ADGRL3: variants seen among roughly 807,000 people sequenced by gnomAD.
ADGRL3 encodes the protein adhesion G protein-coupled receptor L3.
ADGRL3 carries 62 observed loss-of-function variants against 153.5 expected under a neutral mutation model. The observed-to-expected ratio is 0.40, with a 90% CI of 0.33 to 0.50. ADGRL3 has a LOEUF of 0.50. ADGRL3 is among the 20% of genes least tolerant of loss of function. The pLI, the probability that ADGRL3 is intolerant of heterozygous loss-of-function variation, is 0.47. For synonymous variants in ADGRL3, 710 were observed against 672.5 expected, an observed-to-expected ratio of 1.06 and a Z score of -0.86; for missense variants, 1,641 against 1,859.4, an observed-to-expected ratio of 0.88 and a Z score of 2.16.
intron 17 of ADGRL3, among the ~76,000 whole-genome samples, chr4:61,957,219 T>C (rs943189280): frequency 1.3e-5 from 2 of 152,120 alleles, no homozygotes; most frequent in Admixed American, 1.3e-4. Flanking sequence ...CTTTGAACAG[T>C]GGTTTGTAGT....
chr4:61,972,767 A>G (rs1455153159), intron 17 of ADGRL3, among the ~76,000 whole-genome samples: 2 of 152,088 alleles, frequency 1.3e-5, no homozygotes, highest in Non-Finnish European at 2.9e-5. Flanking sequence ...CATTTTCACA[A>G]TATTGATTCT....
At chr4:61,628,071 A>G (rs892850197) in intron 5 of ADGRL3, among the ~76,000 whole-genome samples, 2 of 152,200 alleles carry the variant, frequency 1.3e-5, no homozygotes, top group Admixed American at 1.3e-4. Flanking sequence ...GATAATGGTA[A>G]TAGTAATAAT....
chr4:61,506,045 A>G lies in ADGRL3; in HGVS notation c.55+8697A>G, dbSNP rs114602871. Among the ~76,000 whole-genome samples the G allele has an allele frequency of 6.7e-3, 1,014 of 152,186 alleles. 9 individuals carry two copies. The highest frequency in any genetic ancestry group is 0.011 in the Non-Finnish European group (730 of 67,940). On this transcript the variant is annotated intron_variant, in intron 3 of 26. Transcript: ENST00000683033. ...AAACTGCTTTAGAATCCTATATTGT[A>G]TGGTCCTATTAAATGGAGTAGAAAG...
intron 3 of ADGRL3, among the ~76,000 whole-genome samples, chr4:61,511,020 A>G (rs2098460902): frequency 1.3e-5 from 2 of 151,916 alleles, no homozygotes; most frequent in Admixed American, 1.3e-4. Flanking sequence ...TATTTTCTTG[A>G]TGACTATTGT....
At chr4:61,840,749 A>T (rs1192206200) in intron 9 of ADGRL3, among the ~76,000 whole-genome samples, 2 of 152,238 alleles carry the variant, frequency 1.3e-5, no homozygotes, top group Non-Finnish European at 2.9e-5. Flanking sequence ...GCCTATGTTC[A>T]TGAGTTTGCA....
Position 61,932,247 on chromosome 4 carries a change from T to C in ADGRL3, c.2113-2593T>C, listed in dbSNP as rs531638028. 5.9e-5 allele frequency among the ~76,000 whole-genome samples: 9 copies of C among 152,230 alleles called. No homozygotes were observed. The South Asian group carries it at 1.9e-3, about 32-fold the overall frequency. On this transcript the variant is annotated intron_variant, in intron 13 of 26. Transcript: ENST00000683033. ...TTGAATAGTGGCAAGAGTGGGCACCTTTGCCTTGTTTTTGATCTTAGAGGG... is the reference window on the plus strand; with the variant it reads ...TTGAATAGTGGCAAGAGTGGGCACCCTTGCCTTGTTTTTGATCTTAGAGGG...
At chr4:61,945,798 G>T (rs952389909) in intron 15 of ADGRL3, among the ~76,000 whole-genome samples, 1 of 151,722 alleles carries the variant, frequency 6.6e-6, no homozygotes, top group Non-Finnish European at 1.5e-5. Context: ...TTCGGCTCGC[G>T]CACGGTGCGC....
At chr4:61,621,622 CTT>C (rs1345324507) in intron 5 of ADGRL3, among the ~76,000 whole-genome samples, 1 of 151,984 alleles carries the variant, frequency 6.6e-6, no homozygotes, top group Non-Finnish European at 1.5e-5. Context: ...TAGTGAAAAT[CTT>C]TGTAAATAAC....
intron 1 of ADGRL3, among the ~76,000 whole-genome samples, chr4:61,293,344 T>A (rs756786535): frequency 1.3e-5 from 2 of 152,194 alleles, no homozygotes; most frequent in Non-Finnish European, 2.9e-5. Context: ...CTGCTAGGTT[T>A]ATATTAAATA....
intron 1 of ADGRL3, among the ~76,000 whole-genome samples, chr4:61,375,222 T>C (rs545666485): frequency 6.6e-6 from 1 of 152,314 alleles, no homozygotes; most frequent in Non-Finnish European, 1.5e-5. Flanking sequence ...GTTCTTAGGC[T>C]ATTTTTCCTT....
chr4:61,700,543 A>G (rs2095737631), intron 6 of ADGRL3, among the ~76,000 whole-genome samples: 2 of 152,200 alleles, frequency 1.3e-5, no homozygotes, highest in Admixed American at 6.5e-5. Context: ...ATGGATGCCA[A>G]GTAATCCAAC....
chr4:61,685,061 G>A (rs989404045), intron 6 of ADGRL3, among the ~76,000 whole-genome samples: 3 of 151,692 alleles, frequency 2.0e-5, no homozygotes, highest in East Asian at 2.0e-4. Flanking sequence ...GACTACAGGC[G>A]TGCACCATCA....
chr4:61,950,009 A>G (rs1476541084), intron 17 of ADGRL3, among the ~76,000 whole-genome samples: 4 of 152,222 alleles, frequency 2.6e-5, no homozygotes, highest in African/African-American at 9.6e-5. Context: ...GCTTTTGCAA[A>G]GATCGAACAT....
At chr4:61,366,704 T>A (rs1478597557) in intron 1 of ADGRL3, among the ~76,000 whole-genome samples, 2 of 152,236 alleles carry the variant, frequency 1.3e-5, no homozygotes, top group Non-Finnish European at 2.9e-5. Context: ...TTGTATTCCA[T>A]TGTGCTTATT....
intron 5 of ADGRL3, among the ~76,000 whole-genome samples, chr4:61,597,464 A>G (rs1375531587): frequency 1.3e-5 from 2 of 152,116 alleles, no homozygotes; most frequent in Non-Finnish European, 2.9e-5. Flanking sequence ...ACAACTCTGT[A>G]TATTTTACTA....
At chr4:61,893,014 T>C in intron 10 of ADGRL3, 56 bp downstream of exon 10, 1 of 1,180,682 alleles carries the variant, frequency 8.5e-7, no homozygotes, top group Non-Finnish European at 1.1e-6. Context: ...GGCTTTATTT[T>C]CTAGTATTCT....
chr4:61,604,312 A>G (rs971860728), intron 5 of ADGRL3, among the ~76,000 whole-genome samples: 1 of 152,222 alleles, frequency 6.6e-6, no homozygotes, highest in Non-Finnish European at 1.5e-5. Context: ...GATAATTAAA[A>G]TGATATAGAA....
chr4:61,515,457 T>C (rs1168491768), intron 3 of ADGRL3, among the ~76,000 whole-genome samples: 1 of 152,146 alleles, frequency 6.6e-6, no homozygotes, highest in Non-Finnish European at 1.5e-5. Flanking sequence ...CTAATATTTA[T>C]TTGTGTATTT....
chr4:61,725,128 C>T (rs1307945528), intron 6 of ADGRL3, among the ~76,000 whole-genome samples: 3 of 152,112 alleles, frequency 2.0e-5, no homozygotes, highest in Non-Finnish European at 4.4e-5. Context: ...ATGTGTTGAG[C>T]ACTGTAGATG....
Sources: gnomAD v4.1 joint callset for allele counts (sites outside exome capture counted in the v4.1 genomes callset) on GRCh38, gnomAD v4.1.1 for gene constraint, MANE v1.5 for transcripts, NCBI Gene and HGNC (gene_info 2026-07-23, HGNC 2026-07-21) for gene names.